The following SSBP4 variants were observed in gnomAD, a reference collection of about 807,000 sequenced individuals.
SSBP4 encodes single stranded DNA binding protein 4, also known as single-stranded DNA-binding protein 4.
In SSBP4, 33 loss-of-function variants were observed where a neutral mutation model predicts 64.6. The ratio of observed to expected loss-of-function variants is 0.51; its 90% confidence interval spans 0.39 to 0.68. The LOEUF is 0.68. Ranked by LOEUF, SSBP4 falls within the 30% of genes least tolerant of loss-of-function variation. The pLI is 0.00. For synonymous variants in SSBP4, 243 were observed against 224.0 expected, an observed-to-expected ratio of 1.08 and a Z score of -0.76; for missense variants, 583 against 566.8, an observed-to-expected ratio of 1.03 and a Z score of -0.29.
upstream of SSBP4, chr19:18,418,817 C>T (rs973222439): frequency 3.8e-6 from 1 of 262,070 alleles, no homozygotes; most frequent in South Asian, 1.4e-4. The surrounding 1 kb of genome is among the most constrained non-coding windows in gnomAD (Gnocchi z 6.7). Context: ...GAAGCTGTGG[C>T]ACGGCCTTGC....
intron 1 of SSBP4, among the ~76,000 whole-genome samples, chr19:18,420,457 C>G (rs1049168598): frequency 1.3e-5 from 2 of 151,996 alleles, no homozygotes; most frequent in Non-Finnish European, 2.9e-5. Context: ...TGAGGTCTCT[C>G]GGGGTGGGGA....
At chr19:18,405,753 G>A in the SSBP4 span, among the ~76,000 whole-genome samples, 11 of 152,256 alleles carry the variant, frequency 7.2e-5, no homozygotes, top group East Asian at 1.5e-3. Context: ...TTGGGAGATC[G>A]AGAGCAGGCA....
chr19:18,416,242 T>TGACCTGAGGTGATTCGCCC (rs1972129717), upstream of SSBP4, among the ~76,000 whole-genome samples: 3 of 152,184 alleles, frequency 2.0e-5, no homozygotes, highest in South Asian at 6.2e-4. Context: ...CTCGAACTCC[T>TGACCTGAGGTGATTCGCCC]GACCTGAGGT....
the SSBP4 span, among the ~76,000 whole-genome samples, chr19:18,409,025 G>A: frequency 6.6e-6 from 1 of 151,470 alleles, no homozygotes; most frequent in South Asian, 2.1e-4. Flanking sequence ...TGTTGCATAG[G>A]CTGGTCTCAA....
upstream of SSBP4, chr19:18,419,313 C>A (rs1972254176): frequency 1.9e-5 from 19 of 1,007,010 alleles, no homozygotes; most frequent in African/African-American, 3.5e-5. Flanking sequence ...CCCGCGCGCC[C>A]GCCATCGCCC....
chr19:18,413,764 C>T, the SSBP4 span, among the ~76,000 whole-genome samples: 3 of 152,036 alleles, frequency 2.0e-5, no homozygotes, highest in Non-Finnish European at 4.4e-5. Context: ...CACCTGTAAT[C>T]GCAGCACTTT....
the SSBP4 span, among the ~76,000 whole-genome samples, chr19:18,404,394 G>C: frequency 2.0e-5 from 3 of 151,604 alleles, no homozygotes; most frequent in Non-Finnish European, 4.4e-5. Context: ...AGGAGTTCAC[G>C]ACCAGCCTGG....
chr19:18,412,271 G>A, the SSBP4 span, among the ~76,000 whole-genome samples: 1 of 151,844 alleles, frequency 6.6e-6, no homozygotes, highest in African/African-American at 2.4e-5. Flanking sequence ...GACCAGCCTG[G>A]CCAAGATGGT....
chr19:18,431,926 ACCTTGCTGC>A, intron 8 of SSBP4, 64 bp downstream of exon 8: 1 of 1,563,608 alleles, frequency 6.4e-7, no homozygotes, highest in Non-Finnish European at 8.7e-7. Context: ...CAGAGCCCAG[ACCTTGCTGC>A]CTCCCCACTG....
At position 18,427,336 on chromosome 19, in the gene SSBP4, G is replaced by T; in HGVS notation, c.60-15G>T. Reference sequence around the variant, plus strand: ...TTGGAGAGTCTGAGCTCCCTGGGCCGCCTCGCCCCCACAGGTTGGCGCTGT... The same window carrying T: ...TTGGAGAGTCTGAGCTCCCTGGGCCTCCTCGCCCCCACAGGTTGGCGCTGT... On this transcript the variant is annotated splice_polypyrimidine_tract_variant and intron_variant, in intron 1 of 17. Coordinates refer to ENST00000270061, the MANE Select transcript of SSBP4 (RefSeq NM_032627.5). This position sits in a 1 kb window ranked among gnomAD's most constrained non-coding sequence, Gnocchi z 4.4. The T allele has an allele frequency of 1.2e-6, 2 of 1,607,946 alleles. No individual in the cohort carries two copies. Among genetic ancestry groups the T allele is most frequent in the Non-Finnish European group, 1.7e-6 (2 of 1,179,608 alleles).
In SSBP4 at chr19:18,423,652, C is replaced by G. The variant is rs1972613257; in HGVS notation, c.60-3699C>G. Among the ~76,000 whole-genome samples, 2 of 152,172 alleles carry G rather than the reference C, an allele frequency of 1.3e-5. No homozygotes were observed. The highest frequency in any genetic ancestry group is 1.3e-4 in the Admixed American group (2 of 15,284). On this transcript the variant is annotated intron_variant, in intron 1 of 17. Coordinates refer to ENST00000270061, the MANE Select transcript of SSBP4 (RefSeq NM_032627.5). The surrounding 1 kb of genome is among the most constrained non-coding windows in gnomAD (Gnocchi z 4.0). ...GGTAGCTGTGGTACATTTCAGGCCA[C>G]CAGGCGCTAGCACCCCATCCTGGCT...
In SSBP4 at chr19:18,431,698, C is replaced by G; in HGVS notation, c.487C>G (p.Pro163Ala). The G allele has an allele frequency of 1.3e-6, 2 of 1,551,234 alleles. No homozygotes were observed. Among genetic ancestry groups the G allele is most frequent in the Non-Finnish European group, 1.7e-6 (2 of 1,147,800 alleles). The change falls in exon 7 of 18, where the codon CCG becomes GCG. Residue 163 changes from proline to alanine, a missense_variant. Coordinates refer to ENST00000270061, the MANE Select transcript of SSBP4 (RefSeq NM_032627.5). ...GGGCCCCCGGCCCACCCTGCGGATG[C>G]CGAGTCAGGTGAGAAAGGGATGAGG... ...PGGPRPTLRM[P>A]SQPPAGLPGS...
At chr19:18,414,532 G>T (rs1221261801), upstream of SSBP4, among the ~76,000 whole-genome samples, 1 of 152,162 alleles carries the variant, frequency 6.6e-6, no homozygotes, top group Non-Finnish European at 1.5e-5. Context: ...TCTTTGGTCT[G>T]GAAGGAGGAC....
the SSBP4 span, among the ~76,000 whole-genome samples, chr19:18,410,262 C>G: frequency 5.2e-3 from 792 of 152,226 alleles, 5 homozygotes; most frequent in Middle Eastern, 0.02. Context: ...TCCCAAAGTG[C>G]TGGGATTACA....
chr19:18,431,612 G>T lies in SSBP4; in HGVS notation c.436-35G>T, dbSNP rs79053507. 3.3e-6 allele frequency: 5 copies of T among 1,524,040 alleles called. No homozygotes were observed. In the Admixed American group the frequency reaches 8.0e-5, roughly 24 times the overall value. 94.4% of individuals were successfully genotyped at this position (1,524,040 alleles called of 1,614,324 possible). On this transcript the variant is annotated intron_variant, in intron 6 of 17. Transcript: ENST00000270061. ...GGGGTAGCTTTGGGGACCAGAGGGT[G>T]GGGGAAGGTGCTGATCCCCGCCCAC...
chr19:18,418,666 TTG>T (rs1165817529), upstream of SSBP4, among the ~76,000 whole-genome samples: 1 of 152,190 alleles, frequency 6.6e-6, no homozygotes, highest in African/African-American at 2.4e-5. This position sits in a 1 kb window ranked among gnomAD's most constrained non-coding sequence, Gnocchi z 6.7. Context: ...TGTGTCTGTG[TTG>T]TGTGACTTCG....
In SSBP4 at chr19:18,433,106, C is replaced by T. The variant is rs1276193293; in HGVS notation, c.913-29C>T. ...GACCCCACTTGGGGAATGGGTGGCC[C>T]GAGTCCCACGCTGTCCCCATGCCCG... On this transcript the variant is annotated intron_variant, in intron 14 of 17. Transcript: ENST00000270061. The T allele has an allele frequency of 4.3e-6, 7 of 1,612,666 alleles. No individual in the cohort carries two copies. The East Asian group carries it at 6.7e-5, about 15-fold the overall frequency.
Position 18,432,288 on chromosome 19 carries a change from C to G in SSBP4, c.704+74C>G, listed in dbSNP as rs991029391. On this transcript the variant is annotated intron_variant, in intron 10 of 17. Transcript: ENST00000270061. ...AGCTTCATGGCTGGGTCAGCTGGGG[C>G]AGGTCCTGAATCCTCAGGACAGCCT... 904 of 1,567,622 alleles carry G rather than the reference C, an allele frequency of 5.8e-4. 7 individuals carry two copies. In the African/African-American group the frequency reaches 0.011, roughly 19 times the overall value.
chr19:18,427,724 C>T lies in SSBP4; in HGVS notation c.133-28C>T, dbSNP rs200321480. The T allele has an allele frequency of 1.6e-5, 25 of 1,560,102 alleles. No homozygotes were observed. Among genetic ancestry groups the T allele is most frequent in the Non-Finnish European group, 2.0e-5 (23 of 1,147,824 alleles). On this transcript the variant is annotated intron_variant, in intron 2 of 17. Transcript: ENST00000270061. The surrounding 1 kb of genome is among the most constrained non-coding windows in gnomAD (Gnocchi z 4.4). ...GGTGGGGCAGGGTCAGGTAGGGCCA[C>T]CCCCTCACCACCTTCCTTTCCCTGC... is the stretch of plus-strand genomic sequence containing the variant.
Sources: gnomAD v4.1 joint callset for allele counts (sites outside exome capture counted in the v4.1 genomes callset) on GRCh38, gnomAD v4.1.1 for gene constraint, Gnocchi (gnomAD v3.1) non-coding constraint, MANE v1.5 for transcripts, NCBI Gene and HGNC (gene_info 2026-07-23, HGNC 2026-07-21) for gene names.